Variants in HIVEP1 observed in about 807,000 individuals in gnomAD.
HIVEP1 encodes the protein HIVEP zinc finger 1, also known as zinc finger protein 40.
In HIVEP1, 36 loss-of-function variants were observed where a neutral mutation model predicts 180.0. The observed-to-expected ratio is 0.20, with a 90% confidence interval of 0.15 to 0.26. The LOEUF is 0.26. HIVEP1 is among the 10% of genes least tolerant of loss of function. The probability of loss-of-function intolerance (pLI) is 1.00; values close to 1 mark genes in which losing one functional copy is unlikely to be tolerated. For missense variants in HIVEP1, 3,143 were observed against 3,268.7 expected, an observed-to-expected ratio of 0.96 and a Z score of 0.94; for synonymous variants, 1,239 against 1,239.0, an observed-to-expected ratio of 1.00 and a Z score of 0.00.
At chr6:12,108,209 G>C (rs1305222327) in intron 3 of HIVEP1, among the ~76,000 whole-genome samples, 1 of 152,194 alleles carries the variant, frequency 6.6e-6, no homozygotes, top group Non-Finnish European at 1.5e-5. Context: ...GGTGCTGATT[G>C]GTGTGTTTAC....
chr6:12,166,618 A>G (rs1760705594), downstream of HIVEP1, among the ~76,000 whole-genome samples: 2 of 152,368 alleles, frequency 1.3e-5, no homozygotes, highest in South Asian at 2.1e-4. Context: ...CATGCACAAA[A>G]TAGACAAGGG....
intron 6 of HIVEP1, among the ~76,000 whole-genome samples, chr6:12,131,779 TAAAAAAA>T (rs143910763): frequency 2.2e-5 from 2 of 90,670 alleles, no homozygotes; most frequent in Non-Finnish European, 4.2e-5. Context: ...GAGAAAACAG[TAAAAAAA>T]AAAAAAAAAA....
At position 12,125,256 on chromosome 6, in the gene HIVEP1, C is replaced by A. The variant is rs1195650046; in HGVS notation, c.5461C>A (p.Pro1821Thr). The change falls in exon 4 of 9, where the codon CCT becomes ACT. Residue 1821 changes from proline to threonine, a missense_variant. By Grantham distance (38) the Pro-to-Thr change is conservative. Coordinates refer to ENST00000379388, the MANE Select transcript of HIVEP1 (RefSeq NM_002114.4). Reference protein sequence around the residue: ...VMLEKDVFSQPEISNEAVNLT... With the variant: ...VMLEKDVFSQTEISNEAVNLT... ...GTTGGAAAAGGATGTTTTTTCTCAA[C>A]CTGAAATTAGTAATGAGGCTGTTAA... 1 of 1,614,040 alleles carries A rather than the reference C, an allele frequency of 6.2e-7. No individual in the cohort carries two copies.
chr6:12,106,836 C>CATA (rs1554143383), intron 3 of HIVEP1, among the ~76,000 whole-genome samples: 1 of 152,154 alleles, frequency 6.6e-6, no homozygotes, highest in Non-Finnish European at 1.5e-5. Context: ...TATTGCGTAT[C>CATA]ATTGGCATGA....
chr6:12,193,945 A>G, the HIVEP1 span, among the ~76,000 whole-genome samples: 2 of 152,222 alleles, frequency 1.3e-5, no homozygotes, highest in African/African-American at 4.8e-5. Flanking sequence ...ATTCAATATT[A>G]AAAGGAAATA....
At position 12,125,510 on chromosome 6, in the gene HIVEP1, C is replaced by T. The variant is rs751312013; in HGVS notation, c.5715C>T (p.Asp1905=). ...CTCCAGGGGTTAAAAATCAAGGTGACAAAGTGAACATCCAAGAGCAAAGTC... is the reference window on the plus strand; with the variant it reads ...CTCCAGGGGTTAAAAATCAAGGTGATAAAGTGAACATCCAAGAGCAAAGTC... The part of the protein sequence containing the change: ...RKSPGVKNQG[D]KVNIQEQSQQ... The change falls in exon 4 of 9, where the codon GAC becomes GAT. Residue 1905 remains aspartate, a synonymous_variant. Coordinates refer to ENST00000379388, the MANE Select transcript of HIVEP1 (RefSeq NM_002114.4). The T allele has an allele frequency of 1.9e-6, 3 of 1,613,966 alleles. No homozygotes were observed. In the African/African-American group the frequency reaches 4.0e-5, roughly 22 times the overall value.
At chr6:12,199,293 A>G in the HIVEP1 span, among the ~76,000 whole-genome samples, 1 of 151,400 alleles carries the variant, frequency 6.6e-6, no homozygotes, top group Non-Finnish European at 1.5e-5. Context: ...ATTCAGTCTC[A>G]GGTATGTCTT....
intron 2 of HIVEP1, among the ~76,000 whole-genome samples, chr6:12,071,905 T>C (rs1013924467): frequency 2.6e-5 from 4 of 152,202 alleles, no homozygotes; most frequent in African/African-American, 4.8e-5. Flanking sequence ...TCATTGTTAT[T>C]TTTGCTTTAA....
chr6:12,036,586 A>G (rs1164722053), intron 2 of HIVEP1, among the ~76,000 whole-genome samples: 1 of 152,204 alleles, frequency 6.6e-6, no homozygotes, highest in Non-Finnish European at 1.5e-5. Context: ...CGGACACATA[A>G]GCAGCTAACA....
At chr6:12,028,347 A>G (rs1322166119) in intron 2 of HIVEP1, among the ~76,000 whole-genome samples, 1 of 152,272 alleles carries the variant, frequency 6.6e-6, no homozygotes, top group Admixed American at 6.5e-5. Context: ...CATAAAGGCC[A>G]TAATGGCTTC....
chr6:12,041,764 A>G (rs1769740730), intron 2 of HIVEP1, among the ~76,000 whole-genome samples: 2 of 151,760 alleles, frequency 1.3e-5, no homozygotes, highest in African/African-American at 2.4e-5. Flanking sequence ...CCCAGGTTCA[A>G]GCAATTCTTC....
At position 12,123,256 on chromosome 6, in the gene HIVEP1, T is replaced by C. The variant is rs1440850669; in HGVS notation, c.3461T>C (p.Phe1154Ser). Residue 1154 changes from phenylalanine (F) to serine (S), a missense_variant, in exon 4 of 9, where the codon TTT becomes TCT. Physicochemically the swap from Phe to Ser is radical, Grantham distance 155. Transcript: ENST00000379388. ...AACTCATTTGACAAGCCTGAGCCTT[T>C]TGAAAGAGCCTCCCCAGTTTCTTTC... ...RPNSFDKPEPFERASPVSFQE... is the reference protein window; with the variant it reads ...RPNSFDKPEPSERASPVSFQE... The C allele has an allele frequency of 2.5e-6, 4 of 1,614,094 alleles. No homozygotes were observed. Among genetic ancestry groups the C allele is most frequent in the Non-Finnish European group, 3.4e-6 (4 of 1,180,018 alleles).
intron 2 of HIVEP1, chr6:12,020,327 T>C: frequency 2.1e-6 from 1 of 471,150 alleles, no homozygotes. Context: ...AGAGCAGCAC[T>C]TGGTGTTCAG....
At chr6:12,206,040 A>G in the HIVEP1 span, among the ~76,000 whole-genome samples, 1 of 152,250 alleles carries the variant, frequency 6.6e-6, no homozygotes. Context: ...ATATGGAGAC[A>G]GGGAAATGTA....
Position 12,120,660 on chromosome 6 carries a change from C to T in HIVEP1, c.865C>T (p.His289Tyr). Reference protein sequence around the residue: ...SASHLYHQHEHFVPKSNQHNQ... With the variant: ...SASHLYHQHEYFVPKSNQHNQ... ...TTCTCATTTGTATCATCAACATGAA[C>T]ACTTTGTTCCCAAATCCAACCAACA... Residue 289 changes from histidine (H) to tyrosine (Y), a missense_variant, in exon 4 of 9, where the codon CAC becomes TAC. Around this residue, in one of 12 missense-constraint regions of HIVEP1, gnomAD observed 306 missense variants for 310.6 expected, o/e 0.99. Coordinates refer to ENST00000379388, the MANE Select transcript of HIVEP1 (RefSeq NM_002114.4). The T allele has an allele frequency of 6.2e-7, 1 of 1,614,220 alleles. No homozygotes were observed. Among genetic ancestry groups the T allele is most frequent in the Non-Finnish European group, 8.5e-7 (1 of 1,180,034 alleles).
chr6:12,170,561 T>C, the HIVEP1 span, among the ~76,000 whole-genome samples: 1 of 152,196 alleles, frequency 6.6e-6, no homozygotes, highest in Non-Finnish European at 1.5e-5. Flanking sequence ...GAAGCCAGGA[T>C]GGTGTGATGC....
intron 8 of HIVEP1, among the ~76,000 whole-genome samples, chr6:12,162,236 AAC>A (rs199798319): frequency 6.9e-6 from 1 of 145,018 alleles, no homozygotes; most frequent in East Asian, 2.0e-4. Flanking sequence ...AAAAAAAAAA[AAC>A]GTGACAGTGG....
At chr6:12,039,204 G>A (rs1404651366) in intron 2 of HIVEP1, 1 of 152,214 alleles carries the variant, frequency 6.6e-6, no homozygotes, top group Non-Finnish European at 1.5e-5. Flanking sequence ...TGCTTGGTCA[G>A]CTAAGCTTTT....
intron 7 of HIVEP1, among the ~76,000 whole-genome samples, chr6:12,146,569 G>A (rs775850870): frequency 6.6e-6 from 1 of 152,066 alleles, no homozygotes; most frequent in Non-Finnish European, 1.5e-5. Context: ...TATGGCCAAG[G>A]TCAGTATAGG....
Sources: gnomAD v4.1 joint callset for allele counts (sites outside exome capture counted in the v4.1 genomes callset) on GRCh38, gnomAD v4.1.1 for gene constraint, gnomAD v4.1.1 regional missense constraint, MANE v1.5 for transcripts, NCBI Gene and HGNC (gene_info 2026-07-23, HGNC 2026-07-21) for gene names.